Variants in CDH10 observed in about 807,000 individuals in gnomAD.
The protein encoded by CDH10 is cadherin-10.
In CDH10, 30 loss-of-function variants were observed where a neutral mutation model predicts 73.1. The ratio of observed to expected loss-of-function variants is 0.41; its 90% confidence interval spans 0.31 to 0.56. CDH10 has a LOEUF of 0.56. CDH10 is among the 20% of genes least tolerant of loss of function. The pLI is 0.27. For synonymous variants in CDH10, 345 were observed against 348.2 expected, an observed-to-expected ratio of 0.99 and a Z score of 0.10; for missense variants, 815 against 973.7, an observed-to-expected ratio of 0.84 and a Z score of 2.17.
chr5:24,629,135 A>C (rs1327117889), intron 1 of CDH10, among the ~76,000 whole-genome samples: 1 of 152,150 alleles, frequency 6.6e-6, no homozygotes, highest in Non-Finnish European at 1.5e-5. Flanking sequence ...CAAAAATCAA[A>C]TAATTTGTAT....
Position 24,564,543 on chromosome 5 carries a change from C to T in CDH10, c.232-26869G>A, listed in dbSNP as rs146570867. Among the ~76,000 whole-genome samples the T allele has an allele frequency of 2.0e-5, 3 of 152,198 alleles. No individual in the cohort carries two copies. In the East Asian group the frequency reaches 5.8e-4, roughly 29 times the overall value. Reference sequence around the variant, plus strand: ...TTCCGTGCTGCTGATGGAGCTGAGACCTCTGCCCCTACAGGGGTTGTTAAA... The same window carrying T: ...TTCCGTGCTGCTGATGGAGCTGAGATCTCTGCCCCTACAGGGGTTGTTAAA... On this transcript the variant is annotated intron_variant, in intron 2 of 11. Coordinates refer to ENST00000264463, the MANE Select transcript of CDH10 (RefSeq NM_006727.5).
intron 1 of CDH10, among the ~76,000 whole-genome samples, chr5:24,603,533 C>A (rs1746646438): frequency 2.0e-5 from 3 of 152,016 alleles, no homozygotes; most frequent in African/African-American, 7.2e-5. Context: ...AAATGCCAAT[C>A]ATTGTTGTAA....
chr5:24,525,593 T>C (rs575449391), intron 5 of CDH10, among the ~76,000 whole-genome samples: 14 of 152,058 alleles, frequency 9.2e-5, no homozygotes, highest in African/African-American at 3.4e-4. Flanking sequence ...GTTAAGGAAA[T>C]TATGCAATGC....
At chr5:24,564,349 C>T (rs2112000545) in intron 2 of CDH10, among the ~76,000 whole-genome samples, 1 of 152,278 alleles carries the variant, frequency 6.6e-6, no homozygotes, top group Middle Eastern at 3.4e-3. Context: ...CATATAGAAA[C>T]ATTACTGGTG....
chr5:24,579,865 C>T (rs975521247), intron 2 of CDH10, among the ~76,000 whole-genome samples: 1 of 152,002 alleles, frequency 6.6e-6, no homozygotes, highest in African/African-American at 2.4e-5. Context: ...TATCTAGTCC[C>T]ATGACATTAA....
intron 2 of CDH10, among the ~76,000 whole-genome samples, chr5:24,556,742 C>T (rs1043187842): frequency 4.6e-5 from 7 of 151,664 alleles, no homozygotes; most frequent in Admixed American, 4.6e-4. Flanking sequence ...AATATTTACA[C>T]AATTTAATAA....
At chr5:24,564,020 G>A (rs577061427) in intron 2 of CDH10, among the ~76,000 whole-genome samples, 7 of 152,166 alleles carry the variant, frequency 4.6e-5, no homozygotes, top group African/African-American at 1.7e-4. Flanking sequence ...GGCCCAAGAA[G>A]GGTTGAGTTT....
chr5:24,488,250 C>T (rs2111615070), intron 11 of CDH10, 97 bp from the exon 12 acceptor site: 5 of 1,009,706 alleles, frequency 5.0e-6, no homozygotes, highest in Non-Finnish European at 7.1e-6. Flanking sequence ...CTCAGGCTTT[C>T]TATAACAGCT....
intron 1 of CDH10, among the ~76,000 whole-genome samples, chr5:24,631,977 A>G (rs891540735): frequency 1.3e-5 from 2 of 152,090 alleles, no homozygotes; most frequent in African/African-American, 4.8e-5. Flanking sequence ...TACAGAAAAT[A>G]CATTTTTTGC....
chr5:24,546,498 C>A (rs1744347517), intron 2 of CDH10, among the ~76,000 whole-genome samples: 1 of 152,064 alleles, frequency 6.6e-6, no homozygotes, highest in African/African-American at 2.4e-5. Flanking sequence ...ATTTATCCAC[C>A]CTAAAACTTC....
chr5:24,634,250 TCTCA>T (rs1444261776), intron 1 of CDH10, among the ~76,000 whole-genome samples: 1 of 151,858 alleles, frequency 6.6e-6, no homozygotes, highest in African/African-American at 2.4e-5. Context: ...ACAATGTTAT[TCTCA>T]CTTTACTTCC....
chr5:24,620,300 A>T (rs1324607416), intron 1 of CDH10, among the ~76,000 whole-genome samples: 1 of 152,204 alleles, frequency 6.6e-6, no homozygotes. Flanking sequence ...AACAATATAC[A>T]TTAAAAGAAG....
In CDH10 at chr5:24,585,639, G is replaced by A. The variant is rs560224191; in HGVS notation, c.231+7621C>T. On this transcript the variant is annotated intron_variant, in intron 2 of 11. Coordinates refer to ENST00000264463, the MANE Select transcript of CDH10 (RefSeq NM_006727.5). Reference sequence around the variant, plus strand: ...GGGTTTCACCATATTGTCCAGGCTGGTCTCAAACTCCTGACTTCAGGTGAT... The same window carrying A: ...GGGTTTCACCATATTGTCCAGGCTGATCTCAAACTCCTGACTTCAGGTGAT... 1.2e-4 allele frequency among the ~76,000 whole-genome samples: 18 copies of A among 152,160 alleles called. No homozygotes were observed. The South Asian group carries it at 3.5e-3, about 30-fold the overall frequency.
chr5:24,526,907 T>C (rs998875804), intron 5 of CDH10, among the ~76,000 whole-genome samples: 1 of 151,880 alleles, frequency 6.6e-6, no homozygotes, highest in Non-Finnish European at 1.5e-5. Flanking sequence ...TAAACCAAAT[T>C]ACACACATTT....
At chr5:24,490,370 A>AT (rs1378099961) in intron 11 of CDH10, among the ~76,000 whole-genome samples, 1 of 152,100 alleles carries the variant, frequency 6.6e-6, no homozygotes, top group East Asian at 1.9e-4. Flanking sequence ...TGAGGTATGC[A>AT]TTTTTTGTAG....
chr5:24,499,338 C>A (rs1579721470), intron 8 of CDH10: 2 of 152,628 alleles, frequency 1.3e-5, no homozygotes, highest in East Asian at 3.9e-4. Context: ...CTAATCATAC[C>A]TTTTGCTATA....
chr5:24,572,153 A>G (rs1040808238), intron 2 of CDH10, among the ~76,000 whole-genome samples: 5 of 152,148 alleles, frequency 3.3e-5, no homozygotes, highest in African/African-American at 1.2e-4. Context: ...TCTGAAGAAG[A>G]AATCAAAATT....
chr5:24,526,250 T>C (rs1743527511), intron 5 of CDH10, among the ~76,000 whole-genome samples: 1 of 151,964 alleles, frequency 6.6e-6, no homozygotes, highest in African/African-American at 2.4e-5. Context: ...AGTAGTTCCG[T>C]CTAAGGCAAC....
chr5:24,536,011 ATATT>A (rs1425096957), intron 3 of CDH10, among the ~76,000 whole-genome samples, 189 bp from the exon 4 acceptor site: 4 of 152,122 alleles, frequency 2.6e-5, no homozygotes, highest in Non-Finnish European at 2.9e-5. Context: ...CAAATACATA[ATATT>A]TATTTAGTCA....
Sources: allele counts gnomAD v4.1 joint callset (sites outside exome capture counted in the v4.1 genomes callset), GRCh38; gene constraint gnomAD v4.1.1; transcripts MANE v1.5; gene names NCBI Gene and HGNC (gene_info 2026-07-23, HGNC 2026-07-21).